The following CSMD1 variants were observed in gnomAD, a reference collection of about 807,000 sequenced individuals.
CSMD1 encodes CUB and Sushi multiple domains 1, also known as CUB and sushi domain-containing protein 1.
Under a neutral mutation model 417.5 loss-of-function variants are expected in CSMD1, and 213 were observed. That is an observed-to-expected ratio of 0.51 (90% CI 0.46 to 0.57). CSMD1 has a LOEUF of 0.57. CSMD1 is among the 20% of genes least tolerant of loss of function. CSMD1 has a pLI of 0.00. For missense variants in CSMD1, 6,923 were observed against 4,529.7 expected, an observed-to-expected ratio of 1.53 and a Z score of -15.17; for synonymous variants, 2,862 against 1,736.8, an observed-to-expected ratio of 1.65 and a Z score of -16.11.
chr8:3,965,838 T>A (rs146327625), intron 5 of CSMD1, among the ~76,000 whole-genome samples: 1 of 152,094 alleles, frequency 6.6e-6, no homozygotes, highest in Non-Finnish European at 1.5e-5. Flanking sequence ...AGGCCGGTCT[T>A]GAACTCTTGA....
chr8:4,765,283 T>C (rs1050795101), intron 1 of CSMD1, among the ~76,000 whole-genome samples: 2 of 152,188 alleles, frequency 1.3e-5, no homozygotes, highest in Non-Finnish European at 2.9e-5. Flanking sequence ...AGTTTAGCTA[T>C]TAAACAGCTC....
intron 29 of CSMD1, 116 bp from the exon 30 acceptor site, chr8:3,214,807 A>T: frequency 1.7e-6 from 1 of 590,904 alleles, no homozygotes; most frequent in Non-Finnish European, 2.8e-6. Context: ...CAATGTCCTA[A>T]ATAAGTAAGA....
rs148237234 is a variant in CSMD1, at chr8:3,332,689, G to GCA, written c.3631+10603_3631+10604dup. Among the ~76,000 whole-genome samples the GCA allele has an allele frequency of 1.1e-4, 16 of 152,030 alleles. 1 individual carries two copies. Among genetic ancestry groups the GCA allele is most frequent in the Non-Finnish European group, 1.6e-4 (11 of 68,006 alleles). On this transcript the variant is annotated intron_variant, in intron 23 of 69. Coordinates refer to ENST00000635120, the MANE Select transcript of CSMD1 (RefSeq NM_033225.6). ...TGGGAGTGCGTGCATGTGTGCGTGCGCACACACACACACTTTATTTTAAAT... is the reference window on the plus strand; with the variant it reads ...TGGGAGTGCGTGCATGTGTGCGTGCGCACACACACACACACTTTATTTTAAAT...
intron 37 of CSMD1, among the ~76,000 whole-genome samples, chr8:3,167,105 T>C (rs1820272272): frequency 6.6e-6 from 1 of 151,988 alleles, no homozygotes; most frequent in African/African-American, 2.4e-5. Context: ...GTCAACATGG[T>C]GAAACCCCGT....
chr8:4,609,378 G>A (rs1304697168), intron 2 of CSMD1, among the ~76,000 whole-genome samples: 2 of 152,170 alleles, frequency 1.3e-5, no homozygotes, highest in Non-Finnish European at 2.9e-5. Context: ...TCCAGCCTGG[G>A]TGACAGGGTG....
intron 1 of CSMD1, among the ~76,000 whole-genome samples, chr8:4,701,109 A>G (rs1208151820): frequency 2.6e-5 from 4 of 152,034 alleles, no homozygotes; most frequent in Admixed American, 1.3e-4. Context: ...ATGAAAGGTG[A>G]ATGTTGCAAC....
chr8:3,371,990 G>A (rs909650659), intron 18 of CSMD1, among the ~76,000 whole-genome samples: 7 of 152,172 alleles, frequency 4.6e-5, no homozygotes, highest in African/African-American at 1.7e-4. Flanking sequence ...TAATAAGAGA[G>A]ATAAAATATC....
At chr8:3,747,886 A>C (rs1396589373) in intron 6 of CSMD1, among the ~76,000 whole-genome samples, 1 of 152,164 alleles carries the variant, frequency 6.6e-6, no homozygotes, top group Non-Finnish European at 1.5e-5. Context: ...AGTCTGAGGA[A>C]GGTCCTCAGT....
At chr8:4,870,502 T>G (rs978045676) in intron 1 of CSMD1, among the ~76,000 whole-genome samples, 3 of 152,186 alleles carry the variant, frequency 2.0e-5, no homozygotes, top group African/African-American at 7.2e-5. Context: ...GGGTTTTCAC[T>G]GTCACATGCA....
rs115199740 is a variant in CSMD1 at position 4,701,288 on chromosome 8, G to A, written c.86-63730C>T. Among the ~76,000 whole-genome samples the A allele has an allele frequency of 4.1e-3, 608 of 149,536 alleles. 3 individuals carry two copies. Among genetic ancestry groups the A allele is most frequent in the African/African-American group, 0.014 (584 of 40,362 alleles). The stretch of plus-strand genomic sequence containing the variant: ...TACCAATGATAAGTCAACTTCGAAG[G>A]CTGCTTTTGAGCCATCCTTCCTTTG... On this transcript the variant is annotated intron_variant, in intron 1 of 69. Transcript: ENST00000635120.
At chr8:4,753,230 T>C (rs1449358988) in intron 1 of CSMD1, among the ~76,000 whole-genome samples, 2 of 151,942 alleles carry the variant, frequency 1.3e-5, no homozygotes, top group Admixed American at 6.6e-5. Flanking sequence ...ATTTGCTTTT[T>C]TCTGCTGTTC....
chr8:3,260,066 T>C (rs1460320498), intron 26 of CSMD1, among the ~76,000 whole-genome samples: 1 of 152,160 alleles, frequency 6.6e-6, no homozygotes, highest in African/African-American at 2.4e-5. Context: ...ACTATAATTA[T>C]GAAATAATTT....
chr8:4,664,135 ACAC>A (rs1360986641), intron 1 of CSMD1, among the ~76,000 whole-genome samples: 4 of 152,210 alleles, frequency 2.6e-5, no homozygotes, highest in African/African-American at 9.6e-5. Flanking sequence ...CTGGACAGGT[ACAC>A]CAGCTGGTAA....
intron 3 of CSMD1, among the ~76,000 whole-genome samples, chr8:4,052,817 G>C (rs909279192): frequency 6.6e-6 from 1 of 152,142 alleles, no homozygotes. Flanking sequence ...TAACTGTGCA[G>C]ATTTGGGGCA....
rs372010173 is a variant in CSMD1, at chr8:3,832,446, T to A, written c.819-78404A>T. 2.8e-4 allele frequency among the ~76,000 whole-genome samples: 42 copies of A among 152,336 alleles called. 1 individual carries two copies. Among genetic ancestry groups the A allele is most frequent in the East Asian group, 1.2e-3 (6 of 5,176 alleles). Reference sequence around the variant, plus strand: ...TGAATTGCCTTAATTATAAAGCGATTATGTAAGATAAGATTTTTTGTTTCT... The same window carrying A: ...TGAATTGCCTTAATTATAAAGCGATAATGTAAGATAAGATTTTTTGTTTCT... On this transcript the variant is annotated intron_variant, in intron 5 of 69. Transcript: ENST00000635120.
chr8:3,266,784 C>CAAAA (rs10595372), intron 26 of CSMD1, among the ~76,000 whole-genome samples: 1 of 131,538 alleles, frequency 7.6e-6, no homozygotes, highest in African/African-American at 2.8e-5. Context: ...TAAAAAAAAT[C>CAAAA]AAAAAAAAAA....
chr8:3,854,921 G>C (rs997320946), intron 5 of CSMD1, among the ~76,000 whole-genome samples: 1 of 152,032 alleles, frequency 6.6e-6, no homozygotes, highest in South Asian at 2.1e-4. Context: ...TTTCTAACAT[G>C]TAACAATGTT....
At chr8:3,883,162 G>C (rs1206739300) in intron 5 of CSMD1, among the ~76,000 whole-genome samples, 1 of 152,064 alleles carries the variant, frequency 6.6e-6, no homozygotes, top group African/African-American at 2.4e-5. Flanking sequence ...CTCAGGCCTT[G>C]GAATTAAATG....
intron 5 of CSMD1, among the ~76,000 whole-genome samples, chr8:3,770,650 C>A (rs1464109343): frequency 1.3e-5 from 2 of 152,136 alleles, no homozygotes; most frequent in Non-Finnish European, 2.9e-5. Context: ...GTTTTTAGTG[C>A]TTTTTCCCAT....
Sources: allele counts gnomAD v4.1 joint callset (sites outside exome capture counted in the v4.1 genomes callset), GRCh38; gene constraint gnomAD v4.1.1; transcripts MANE v1.5; gene names NCBI Gene and HGNC (gene_info 2026-07-23, HGNC 2026-07-21).